Variants in NOP14 observed in about 807,000 individuals in gnomAD.
NOP14 encodes nucleolar protein 14.
A neutral mutation model predicts 101.6 loss-of-function variants in NOP14; 57 were observed. The observed-to-expected ratio is 0.56, with a 90% CI of 0.45 to 0.70. NOP14 has a LOEUF of 0.70. NOP14 is among the 30% of genes least tolerant of loss of function. The pLI is 0.00. For missense variants in NOP14, 1,134 were observed against 1,075.5 expected, an observed-to-expected ratio of 1.05 and a Z score of -0.76; for synonymous variants, 428 against 424.0, an observed-to-expected ratio of 1.01 and a Z score of -0.12.
Position 2,939,118 on chromosome 4 carries a change from C to T in NOP14, c.2474+70G>A, listed in dbSNP as rs1713924400. 3 of 1,589,534 alleles carry T rather than the reference C, an allele frequency of 1.9e-6. No homozygotes were observed. In the African/African-American group the frequency reaches 4.0e-5, roughly 21 times the overall value. On this transcript the variant is annotated intron_variant, in intron 17 of 17. Transcript: ENST00000416614. ...TGTGGGATGCCAGGTGCCCGGTGCT[C>T]TGCCCAGGGCCACACAGCACCAAAG... is the stretch of plus-strand genomic sequence containing the variant.
rs1419285989 is a variant in NOP14 at position 2,939,292 on chromosome 4, C to G, written c.2370G>C (p.Lys790Asn). 1 of 1,614,054 alleles carries G rather than the reference C, an allele frequency of 6.2e-7. No individual in the cohort carries two copies. Among genetic ancestry groups the G allele is most frequent in the Non-Finnish European group, 8.5e-7 (1 of 1,180,036 alleles). Residue 790 changes from lysine to asparagine, a missense_variant, in exon 17 of 18, where the codon AAG becomes AAC. Lys to Asn is a moderately conservative substitution (Grantham distance 94). Coordinates refer to ENST00000416614, the MANE Select transcript of NOP14 (RefSeq NM_001291978.2). ...QGSSKEEQER[K>N]RLIHKHKREF... ...CACGCTTGTGTTTGTGGATCAGCCT[C>G]TTCCTTTCCTGTTCCTCCTTACTAC... is the stretch of plus-strand genomic sequence containing the variant.
At chr4:2,950,886 G>C (rs1714982447) in intron 7 of NOP14, 4 of 263,820 alleles carry the variant, frequency 1.5e-5, no homozygotes, top group East Asian at 9.2e-5. Context: ...CAGAGAGAGA[G>C]AGTGAGAAAG....
intron 9 of NOP14, 73 bp from the exon 10 acceptor site, chr4:2,947,684 T>G: frequency 8.2e-7 from 1 of 1,222,290 alleles, no homozygotes; most frequent in Non-Finnish European, 1.2e-6. Flanking sequence ...ACACAGCTTC[T>G]GGATCACGTA....
At position 2,938,499 on chromosome 4, in the gene NOP14, C is replaced by A; in HGVS notation, c.*332G>T. 1 of 338,692 alleles carries A rather than the reference C, an allele frequency of 3.0e-6. No individual in the cohort carries two copies. The highest frequency in any genetic ancestry group is 5.7e-6 in the Non-Finnish European group (1 of 176,100). 21.0% of individuals were successfully genotyped at this position (338,692 alleles called of 1,614,324 possible). A position where few individuals can be genotyped will look rare whatever the true frequency, so the allele number is the denominator to read the frequency against. The stretch of plus-strand genomic sequence containing the variant: ...AGCCTGGGCAACAAGAGCAAAACTC[C>A]GTCTCAAAAAAAAAAATTTTTTTTT... On this transcript the variant is annotated 3_prime_UTR_variant, in exon 18 of 18. Transcript: ENST00000416614.
intron 4 of NOP14, 88 bp downstream of exon 4, chr4:2,954,335 TA>T: frequency 1.4e-6 from 2 of 1,458,674 alleles, no homozygotes; most frequent in Non-Finnish European, 1.9e-6. Flanking sequence ...AAACACAGCC[TA>T]AAAAGGTACA....
chr4:2,942,407 AGGCTC>A, intron 13 of NOP14, 56 bp from the exon 14 acceptor site: 1 of 1,559,000 alleles, frequency 6.4e-7, no homozygotes, highest in Non-Finnish European at 8.8e-7. Flanking sequence ...GGCTCCCAGC[AGGCTC>A]TGCGGCACCG....
rs1714927145 is a variant in NOP14, at chr4:2,950,174, G to T, written c.1042C>A (p.Gln348Lys). Residue 348 changes from glutamine to lysine, a missense_variant, in exon 8 of 18, where the codon CAA becomes AAA. Physicochemically the swap from Gln to Lys is moderately conservative, Grantham distance 53. Coordinates refer to ENST00000416614, the MANE Select transcript of NOP14 (RefSeq NM_001291978.2). The stretch of plus-strand genomic sequence containing the variant: ...TCAGGGTCACTGGCTTCCTTGCTTT[G>T]CTCTTCCTGGACATCTTCCTCGACA... The part of the protein sequence containing the change: ...MNVEEDVQEE[Q>K]SKEASDPESN... 1.2e-6 allele frequency: 2 copies of T among 1,613,984 alleles called. No homozygotes were observed. The highest frequency in any genetic ancestry group is 1.7e-5 in the Admixed American group (1 of 60,012).
At position 2,937,941 on chromosome 4, in the gene NOP14, T is replaced by G. The variant is rs963367989; in HGVS notation, c.*890A>C. 1 of 218,366 alleles carries G rather than the reference T, an allele frequency of 4.6e-6. No individual in the cohort carries two copies. The highest frequency in any genetic ancestry group is 2.4e-5 in the African/African-American group (1 of 42,010). The allele number at this position is 218,366 out of a possible 1,614,324, so 13.5% of individuals were successfully genotyped here. A position where few individuals can be genotyped will look rare whatever the true frequency, so the allele number is the denominator to read the frequency against. ...CTAAAATATCTGCAAACTTGTTTCA[T>G]TTATAATTGAAAATATAATTTGCAT... is the stretch of plus-strand genomic sequence containing the variant. On this transcript the variant is annotated 3_prime_UTR_variant, in exon 18 of 18. Coordinates refer to ENST00000416614, the MANE Select transcript of NOP14 (RefSeq NM_001291978.2).
intron 11 of NOP14, among the ~76,000 whole-genome samples, 194 bp downstream of exon 11, chr4:2,946,218 C>T (rs1004997344): frequency 6.8e-6 from 1 of 147,376 alleles, no homozygotes; most frequent in Non-Finnish European, 1.5e-5. Context: ...CCCTCACTGC[C>T]GTGCACTCTC....
At chr4:2,941,509 G>A (rs907843210) in intron 15 of NOP14, 73 bp downstream of exon 15, 28 of 1,412,364 alleles carry the variant, frequency 2.0e-5, no homozygotes, top group Admixed American at 2.3e-5. Context: ...ATGACTGACT[G>A]CCACCAGCTT....
chr4:2,941,511 C>T lies in NOP14; in HGVS notation c.2199+71G>A, dbSNP rs1231394608. The T allele has an allele frequency of 1.3e-5, 19 of 1,440,368 alleles. No homozygotes were observed. In the Admixed American group the frequency reaches 2.5e-4, roughly 19 times the overall value. The allele number at this position is 1,440,368 out of a possible 1,614,324, so 89.2% of individuals were successfully genotyped here. A position where few individuals can be genotyped will look rare whatever the true frequency, so the allele number is the denominator to read the frequency against. The stretch of plus-strand genomic sequence containing the variant: ...GCTGCAGCATCAAATGACTGACTGC[C>T]ACCAGCTTGGCCCCAGCTCAGGGAC... On this transcript the variant is annotated intron_variant, in intron 15 of 17. Transcript: ENST00000416614.
rs989856421 is a variant in NOP14, at chr4:2,963,393, C to T, written c.-74G>A. The T allele has an allele frequency of 4.3e-5, 60 of 1,406,062 alleles. No homozygotes were observed. The highest frequency in any genetic ancestry group is 5.2e-5 in the Non-Finnish European group (56 of 1,076,578). The allele number at this position is 1,406,062 out of a possible 1,614,324, so 87.1% of individuals were successfully genotyped here. On this transcript the variant is annotated 5_prime_UTR_variant, in exon 1 of 18. Transcript: ENST00000416614. ...GCGCGCGCTACCCTAAGACACGTGC[C>T]GGGCCGCGGAACCGCTTCCTCGTCT... is the stretch of plus-strand genomic sequence containing the variant.
At chr4:2,944,960 G>A (rs945386350) in intron 12 of NOP14, among the ~76,000 whole-genome samples, 168 bp downstream of exon 12, 4 of 152,222 alleles carry the variant, frequency 2.6e-5, no homozygotes, top group African/African-American at 9.6e-5. Flanking sequence ...ATCTGGGGCT[G>A]CTCGAGCCGG....
intron 1 of NOP14, among the ~76,000 whole-genome samples, chr4:2,960,724 TC>T (rs1309688189): frequency 3.0e-5 from 4 of 131,548 alleles, no homozygotes; most frequent in African/African-American, 6.0e-5. Context: ...AATATTATAA[TC>T]ACATTAATAT....
chr4:2,958,158 T>C (rs986923127), intron 1 of NOP14, among the ~76,000 whole-genome samples: 2 of 152,120 alleles, frequency 1.3e-5, no homozygotes, highest in African/African-American at 4.8e-5. Context: ...CTAAGAAATG[T>C]GTAGTTGTGA....
chr4:2,939,386 C>A (rs1443651785), intron 16 of NOP14, 43 bp from the exon 17 acceptor site: 2 of 1,612,584 alleles, frequency 1.2e-6, no homozygotes, highest in Non-Finnish European at 1.7e-6. Flanking sequence ...GAGTCTGTCC[C>A]CACCTCTCAG....
chr4:2,950,542 CT>C, intron 7 of NOP14: 1 of 356,348 alleles, frequency 2.8e-6, no homozygotes, highest in Non-Finnish European at 5.2e-6. Context: ...TCTACAGCAC[CT>C]TCTGCTCCTC....
At position 2,950,159 on chromosome 4, in the gene NOP14, T is replaced by C. The variant is rs1714926696; in HGVS notation, c.1057A>G (p.Ser353Gly). ...DVQEEQSKEA[S>G]DPESNEEEGD... Reference sequence around the variant, plus strand: ...TCTTCCTCGTTGCTCTCAGGGTCACTGGCTTCCTTGCTTTGCTCTTCCTGG... The same window carrying C: ...TCTTCCTCGTTGCTCTCAGGGTCACCGGCTTCCTTGCTTTGCTCTTCCTGG... Residue 353 changes from serine to glycine, a missense_variant, in exon 8 of 18, where the codon AGT becomes GGT. Ser to Gly is a moderately conservative substitution (Grantham distance 56). Transcript: ENST00000416614. The C allele has an allele frequency of 1.2e-6, 2 of 1,614,072 alleles. No homozygotes were observed. The highest frequency in any genetic ancestry group is 2.2e-5 in the South Asian group (2 of 91,096).
At chr4:2,952,542 C>G in intron 5 of NOP14, 145 bp from the exon 6 acceptor site, 1 of 708,744 alleles carries the variant, frequency 1.4e-6, no homozygotes, top group Admixed American at 3.2e-5. Flanking sequence ...GTCTTTTCTT[C>G]TAGAGAGAAA....
Sources: allele counts gnomAD v4.1 joint callset (sites outside exome capture counted in the v4.1 genomes callset), GRCh38; gene constraint gnomAD v4.1.1; transcripts MANE v1.5; gene names NCBI Gene and HGNC (gene_info 2026-07-23, HGNC 2026-07-21).